PRR12: variants seen among roughly 807,000 people sequenced by gnomAD.
PRR12 encodes proline rich 12.
In PRR12, 12 loss-of-function variants were observed where a neutral mutation model predicts 138.0. The ratio of observed to expected loss-of-function variants is 0.09; its 90% CI spans 0.06 to 0.14. The LOEUF (loss-of-function observed/expected upper bound fraction) is 0.14. Among genes scored for constraint, PRR12 ranks in the 10% least tolerant of loss-of-function variants. PRR12 has a pLI of 1.00. For synonymous variants in PRR12, 1,567 were observed against 1,291.7 expected, an observed-to-expected ratio of 1.21 and a Z score of -4.57; for missense variants, 2,692 against 2,861.3, an observed-to-expected ratio of 0.94 and a Z score of 1.35.
rs1331480802 is a variant in PRR12, at chr19:49,626,118, CTTAT to C, written c.*517_*520del. Reference sequence around the variant, plus strand: ...ACGCATCTTGTTAATTATTTTTAATCTTATTTATTGTACATACCTGGGGCAGGGG... The same window carrying C: ...ACGCATCTTGTTAATTATTTTTAATCTTATTGTACATACCTGGGGCAGGGG... On this transcript the variant is annotated 3_prime_UTR_variant, in exon 14 of 14. Coordinates refer to ENST00000418929, the MANE Select transcript of PRR12 (RefSeq NM_020719.3). The C allele has an allele frequency of 6.6e-6, 1 of 151,974 alleles. No individual in the cohort carries two copies. The highest frequency in any genetic ancestry group is 1.5e-5 in the Non-Finnish European group (1 of 67,992). 9.4% of individuals were successfully genotyped at this position (151,974 alleles called of 1,614,324 possible).
intron 1 of PRR12, among the ~76,000 whole-genome samples, chr19:49,592,156 C>G (rs1399715665): frequency 2.6e-5 from 4 of 152,016 alleles, no homozygotes; most frequent in Non-Finnish European, 5.9e-5. Context: ...GGGGCGCGAA[C>G]CCCCTCTCAG....
chr19:49,596,604 G>C lies in PRR12; in HGVS notation c.2269G>C (p.Gly757Arg), dbSNP rs1242811915. 4 of 1,594,066 alleles carry C rather than the reference G, an allele frequency of 2.5e-6. No homozygotes were observed. The highest frequency in any genetic ancestry group is 3.4e-6 in the Non-Finnish European group (4 of 1,170,986). The part of the protein sequence containing the change: ...VHYGAGAKEL[G>R]AFLQKSPPPP... ...CTACGGGGCAGGCGCCAAGGAGCTG[G>C]GGGCCTTCTTGCAAAAGAGCCCTCC... Residue 757 changes from glycine to arginine, a missense_variant, in exon 4 of 14, where the codon GGG (glycine) becomes CGG (arginine). Gly to Arg is a moderately radical substitution (Grantham distance 125). Transcript: ENST00000418929. This position sits in a 1 kb window ranked among gnomAD's most constrained non-coding sequence, Gnocchi z 5.6.
intron 9 of PRR12, among the ~76,000 whole-genome samples, chr19:49,618,022 T>TGG (rs1162534152): frequency 6.6e-6 from 1 of 152,048 alleles, no homozygotes; most frequent in Non-Finnish European, 1.5e-5. Flanking sequence ...CACTTGAACC[T>TGG]GGGAGGCAGA....
rs375882447 is a variant in PRR12 at position 49,596,498 on chromosome 19, C to T, written c.2163C>T (p.Gly721=). The part of the protein sequence containing the change: ...DEGATAALEL[G]LGRLKEKKKG... ...GTGCCACTGCGGCACTGGAGCTGGG[C>T]CTGGGGAGGCTGAAGGAGAAGAAGA... Residue 721 remains glycine (G), a synonymous_variant, in exon 4 of 14, where the codon GGC becomes GGT. Transcript: ENST00000418929. The surrounding 1 kb of genome is among the most constrained non-coding windows in gnomAD (Gnocchi z 5.6). 13 of 1,610,074 alleles carry T rather than the reference C, an allele frequency of 8.1e-6. No individual in the cohort carries two copies. The highest frequency in any genetic ancestry group is 1.7e-5 in the Admixed American group (1 of 59,582).
chr19:49,594,893 T>C lies in PRR12; in HGVS notation c.558T>C (p.His186=), dbSNP rs985900128. The C allele has an allele frequency of 1.2e-6, 2 of 1,610,872 alleles. No individual in the cohort carries two copies. The highest frequency in any genetic ancestry group is 3.4e-5 in the Admixed American group (2 of 59,624). Residue 186 remains histidine, a synonymous_variant, in exon 4 of 14, where the codon CAT becomes CAC. Coordinates refer to ENST00000418929, the MANE Select transcript of PRR12 (RefSeq NM_020719.3). This position sits in a 1 kb window ranked among gnomAD's most constrained non-coding sequence, Gnocchi z 5.6. ...CAGCTAACGGGCTCCTGTCCCCTCA[T>C]GACGTGCTGCACCTGAAGCCCTCGC... ...SPPANGLLSP[H]DVLHLKPSQA...
chr19:49,619,384 C>T (rs1018440229), intron 9 of PRR12, among the ~76,000 whole-genome samples: 1 of 151,016 alleles, frequency 6.6e-6, no homozygotes, highest in South Asian at 2.1e-4. Context: ...TACAGGCACG[C>T]ACCACCACAC....
At chr19:49,607,023 A>G (rs1339545108) in intron 6 of PRR12, among the ~76,000 whole-genome samples, 1 of 151,980 alleles carries the variant, frequency 6.6e-6, no homozygotes, top group East Asian at 1.9e-4. Context: ...AATTAGCCAT[A>G]GGTGGCCAAA....
At position 49,625,574 on chromosome 19, in the gene PRR12, G is replaced by A; in HGVS notation, c.6078G>A (p.Leu2026=). 6.2e-7 allele frequency: 1 copy of A among 1,611,822 alleles called. No homozygotes were observed. Among genetic ancestry groups the A allele is most frequent in the South Asian group, 1.1e-5 (1 of 90,948 alleles). Residue 2026 remains leucine, a synonymous_variant, in exon 14 of 14, where the codon CTG becomes CTA. Coordinates refer to ENST00000418929, the MANE Select transcript of PRR12 (RefSeq NM_020719.3). This position sits in a 1 kb window ranked among gnomAD's most constrained non-coding sequence, Gnocchi z 5.5. ...TCTTTGACTCCTTCAGTGACCTGCT[G>A]GCCCAAGCACAGGCCCACAGCCGCT... is the stretch of plus-strand genomic sequence containing the variant. ...EQLFDSFSDL[L]AQAQAHSRCG
At position 49,625,434 on chromosome 19, in the gene PRR12, C is replaced by A. The variant is rs745886212; in HGVS notation, c.5965-27C>A. 1.0e-5 allele frequency: 16 copies of A among 1,573,884 alleles called. No individual in the cohort carries two copies. In the African/African-American group the frequency reaches 2.3e-4, roughly 23 times the overall value. On this transcript the variant is annotated intron_variant, in intron 13 of 13. Coordinates refer to ENST00000418929, the MANE Select transcript of PRR12 (RefSeq NM_020719.3). The surrounding 1 kb of genome is among the most constrained non-coding windows in gnomAD (Gnocchi z 5.5). The stretch of plus-strand genomic sequence containing the variant: ...TCCCCAGAGGCCGGTGTGCCACCCT[C>A]CCCAGTGCCATGTTTGACCCCTGCA...
In PRR12 at chr19:49,596,447, C is replaced by T. The variant is rs189093151; in HGVS notation, c.2112C>T (p.Ile704=). 180 of 1,611,238 alleles carry T rather than the reference C, an allele frequency of 1.1e-4. No homozygotes were observed. In the African/African-American group the frequency reaches 2.1e-3, roughly 19 times the overall value. The change falls in exon 4 of 14, where the codon ATC becomes ATT. Residue 704 remains isoleucine, a synonymous_variant. Transcript: ENST00000418929. The surrounding 1 kb of genome is among the most constrained non-coding windows in gnomAD (Gnocchi z 5.6). The part of the protein sequence containing the change: ...DPQRYHLQSV[I]RTSASLDEGA... ...AGAGGTACCACCTGCAGAGTGTCAT[C>T]CGCACCAGTGCCAGCCTGGATGAGG... is the stretch of plus-strand genomic sequence containing the variant.
intron 9 of PRR12, among the ~76,000 whole-genome samples, chr19:49,617,199 T>C (rs1426904519): frequency 6.6e-6 from 1 of 152,100 alleles, no homozygotes; most frequent in Non-Finnish European, 1.5e-5. Flanking sequence ...TATTCACATA[T>C]GTACAGTAAG....
rs775645258 is a variant in PRR12 at position 49,601,586 on chromosome 19, G to T, written c.4441G>T (p.Ala1481Ser). ...PPPPPPPPQP[A>S]LPSPPPLVAP... is the part of the protein sequence containing the mutation. ...GCCACCCCCTCCGCCGCCACAGCCA[G>T]CCCTGCCCTCGCCACCCCCGCTGGT... Residue 1481 changes from alanine (A) to serine (S), a missense_variant, in exon 6 of 14, where the codon GCC (alanine) becomes TCC (serine). Ala to Ser is a moderately conservative substitution (Grantham distance 99). Transcript: ENST00000418929. 1.6e-4 allele frequency: 245 copies of T among 1,504,482 alleles called. No individual in the cohort carries two copies. Among genetic ancestry groups the T allele is most frequent in the Non-Finnish European group, 2.1e-4 (233 of 1,123,082 alleles). 93.2% of individuals were successfully genotyped at this position (1,504,482 alleles called of 1,614,324 possible).
Position 49,611,635 on chromosome 19 carries a change from A to G in PRR12, c.4774-2898A>G, listed in dbSNP as rs1163570251. 2.7e-5 allele frequency among the ~76,000 whole-genome samples: 4 copies of G among 150,688 alleles called. No individual in the cohort carries two copies. The East Asian group carries it at 7.8e-4, about 30-fold the overall frequency. On this transcript the variant is annotated intron_variant, in intron 6 of 13. Transcript: ENST00000418929. ...CCTAGGCGAAACTCTATCTAAAAAA[A>G]AAAAAAGGCCGGGCGCGGTGGCTCA...
intron 5 of PRR12, among the ~76,000 whole-genome samples, chr19:49,600,342 G>A (rs1465212016): frequency 2.0e-5 from 3 of 151,988 alleles, no homozygotes; most frequent in East Asian, 3.9e-4. Context: ...GGTGGGCGGT[G>A]GAAGGGAAGG....
chr19:49,618,169 CTCTT>C (rs1228526385), intron 9 of PRR12, among the ~76,000 whole-genome samples: 2 of 152,076 alleles, frequency 1.3e-5, no homozygotes, highest in Non-Finnish European at 2.9e-5. Flanking sequence ...GTTTCCTTCT[CTCTT>C]GTTGACCGGC....
intron 6 of PRR12, among the ~76,000 whole-genome samples, chr19:49,612,466 G>A (rs2080871828): frequency 1.3e-5 from 2 of 152,074 alleles, no homozygotes; most frequent in East Asian, 1.9e-4. Flanking sequence ...CCTGATGACT[G>A]GGTGTGGGGT....
At chr19:49,605,652 G>T (rs1331090185) in intron 6 of PRR12, among the ~76,000 whole-genome samples, 2 of 152,246 alleles carry the variant, frequency 1.3e-5, no homozygotes, top group Non-Finnish European at 2.9e-5. Flanking sequence ...AATGAACAGG[G>T]CCCTGGGGCA....
intron 6 of PRR12, among the ~76,000 whole-genome samples, chr19:49,607,333 G>A (rs113553814): frequency 0.018 from 2,790 of 151,040 alleles, 89 homozygotes; most frequent in African/African-American, 0.064. Context: ...AGCCTGGGCA[G>A]CAGAGTGAGC....
chr19:49,598,075 CTT>C (rs575895022), intron 4 of PRR12, 62 bp downstream of exon 4: 28,985 of 1,073,896 alleles, frequency 0.027, no homozygotes, highest in South Asian at 0.033. Flanking sequence ...ATGTTTGAGT[CTT>C]TTTTTTTTTT....
Sources: gnomAD v4.1 joint callset for allele counts (sites outside exome capture counted in the v4.1 genomes callset) on GRCh38, gnomAD v4.1.1 for gene constraint, Gnocchi (gnomAD v3.1) non-coding constraint, MANE v1.5 for transcripts, NCBI Gene and HGNC (gene_info 2026-07-23, HGNC 2026-07-21) for gene names.